Variants in FER observed in about 807,000 individuals in gnomAD.
FER encodes the protein FER tyrosine kinase.
FER carries 63 observed loss-of-function variants against 111.0 expected under a neutral mutation model. That is an observed-to-expected ratio of 0.57 (90% CI 0.46 to 0.70). The LOEUF is 0.70. Among genes scored for constraint, FER ranks in the 30% least tolerant of loss-of-function variants. The pLI is 0.00. For synonymous variants in FER, 327 were observed against 313.9 expected (o/e 1.04, Z -0.44); for missense variants, 914 against 954.0 (o/e 0.96, Z 0.55).
chr5:109,190,227 T>C lies in FER; in HGVS notation c.*2652T>C, dbSNP rs1759282819. ...ACTGTTCAGAATGTGCAAGTTGATGTAGGGAAAGGAAGATTCAGAAATGTA... is the reference window on the plus strand; with the variant it reads ...ACTGTTCAGAATGTGCAAGTTGATGCAGGGAAAGGAAGATTCAGAAATGTA... On this transcript the variant is annotated 3_prime_UTR_variant, in exon 20 of 20. Transcript: ENST00000281092. 1 of 152,144 alleles carries C rather than the reference T, an allele frequency of 6.6e-6. No individual in the cohort carries two copies. The highest frequency in any genetic ancestry group is 6.6e-5 in the Admixed American group (1 of 15,266). 9.4% of individuals were successfully genotyped at this position (152,144 alleles called of 1,614,324 possible).
At chr5:109,143,960 G>A (rs989519584) in intron 17 of FER, among the ~76,000 whole-genome samples, 4 of 151,846 alleles carry the variant, frequency 2.6e-5, no homozygotes, top group East Asian at 3.9e-4. Flanking sequence ...AGACTAGGAG[G>A]CATCTTGATT....
chr5:109,191,583 T>A lies in FER; in HGVS notation c.*4008T>A, dbSNP rs1030213665. The A allele has an allele frequency of 6.6e-6, 1 of 152,190 alleles. No individual in the cohort carries two copies. The highest frequency in any genetic ancestry group is 6.5e-5 in the Admixed American group (1 of 15,282). The allele number at this position is 152,190 out of a possible 1,614,324, so 9.4% of individuals were successfully genotyped here. A position where few individuals can be genotyped will look rare whatever the true frequency, so the allele number is the denominator to read the frequency against. ...GGAAAAGACATGTTTTCTTTAGGTA[T>A]TAATATCTTAATTAAATGGAATCAG... On this transcript the variant is annotated 3_prime_UTR_variant, in exon 20 of 20. Coordinates refer to ENST00000281092, the MANE Select transcript of FER (RefSeq NM_005246.4).
intron 17 of FER, among the ~76,000 whole-genome samples, chr5:109,134,926 T>G (rs1752731374): frequency 2.0e-5 from 3 of 152,200 alleles, no homozygotes; most frequent in Admixed American, 1.3e-4. Context: ...ACAGCAGATG[T>G]GTCTCCCATG....
chr5:109,090,846 T>C (rs780389585), intron 16 of FER, among the ~76,000 whole-genome samples: 4 of 152,168 alleles, frequency 2.6e-5, no homozygotes, highest in Admixed American at 6.5e-5. Flanking sequence ...AAGGGACTTA[T>C]GGGACACCAT....
At chr5:109,104,516 T>C (rs1412427929) in intron 17 of FER, among the ~76,000 whole-genome samples, 1 of 152,030 alleles carries the variant, frequency 6.6e-6, no homozygotes, top group Non-Finnish European at 1.5e-5. Context: ...ACCCTCTGAG[T>C]GAGACTTGGT....
chr5:109,065,130 A>G (rs1774925675), intron 16 of FER, among the ~76,000 whole-genome samples: 1 of 152,152 alleles, frequency 6.6e-6, no homozygotes, highest in African/African-American at 2.4e-5. Context: ...AACCTATCCA[A>G]TATATATGAA....
At chr5:109,109,725 G>A (rs550288688) in intron 17 of FER, among the ~76,000 whole-genome samples, 96 of 152,182 alleles carry the variant, frequency 6.3e-4, no homozygotes, top group African/African-American at 2.2e-3. Flanking sequence ...TTTAGCTGAA[G>A]ATACAGAAAT....
chr5:108,973,412 A>G (rs1055201422), intron 13 of FER, among the ~76,000 whole-genome samples: 5 of 152,164 alleles, frequency 3.3e-5, no homozygotes, highest in African/African-American at 1.2e-4. Context: ...CATTAAAAAG[A>G]TATCTGCAAG....
intron 5 of FER, among the ~76,000 whole-genome samples, chr5:108,840,129 G>A (rs1054124338): frequency 1.3e-5 from 2 of 152,068 alleles, no homozygotes; most frequent in Non-Finnish European, 2.9e-5. Context: ...TGTTTCAGGC[G>A]TCATATACTC....
intron 13 of FER, among the ~76,000 whole-genome samples, chr5:109,003,187 A>C (rs1446071132): frequency 1.3e-5 from 2 of 152,244 alleles, no homozygotes; most frequent in Non-Finnish European, 2.9e-5. Context: ...TTGAAGCACT[A>C]TTCACAATAG....
Position 108,832,921 on chromosome 5 carries a change from A to G in FER, c.359A>G (p.Gln120Arg). 1 of 1,589,756 alleles carries G rather than the reference A, an allele frequency of 6.3e-7. No homozygotes were observed. The highest frequency in any genetic ancestry group is 8.5e-7 in the Non-Finnish European group (1 of 1,170,014). ...AAAAGTTACATAGGTGTTCATCAGC[A>G]GATAGAGGCAGAGATGATCAAGGTT... ...VKKSYIGVHQQIEAEMIKVTK... is the reference protein window; with the variant it reads ...VKKSYIGVHQRIEAEMIKVTK... The change falls in exon 4 of 20, where the codon CAG becomes CGG. Residue 120 changes from glutamine (Q) to arginine (R), a missense_variant. By Grantham distance (43) the Gln-to-Arg change is conservative (BLOSUM62 1). Transcript: ENST00000281092.
chr5:109,002,362 AG>A (rs1289096462), intron 13 of FER, among the ~76,000 whole-genome samples: 85 of 151,664 alleles, frequency 5.6e-4, no homozygotes, highest in African/African-American at 1.8e-3. Flanking sequence ...GAGAAAAACA[AG>A]CAATGGGGAA....
At position 108,840,080 on chromosome 5, in the gene FER, ATT is replaced by A. The variant is rs372342098; in HGVS notation, c.481+4274_481+4275del. ...AATATGCATACTGGATTCAACAAGT[ATT>A]AACCTTCTGCCACATTGGCAGAATC... On this transcript the variant is annotated intron_variant, in intron 5 of 19. Coordinates refer to ENST00000281092, the MANE Select transcript of FER (RefSeq NM_005246.4). Among the ~76,000 whole-genome samples the A allele has an allele frequency of 9.8e-5, 15 of 152,344 alleles. No individual in the cohort carries two copies. The South Asian group carries it at 3.1e-3, about 32-fold the overall frequency.
At chr5:109,092,525 G>C (rs554670623) in intron 16 of FER, among the ~76,000 whole-genome samples, 1 of 152,048 alleles carries the variant, frequency 6.6e-6, no homozygotes, top group Non-Finnish European at 1.5e-5. Flanking sequence ...GTATAACTAA[G>C]TATCAGGACA....
At chr5:109,093,122 G>C (rs921253683) in intron 16 of FER, among the ~76,000 whole-genome samples, 5 of 152,176 alleles carry the variant, frequency 3.3e-5, no homozygotes, top group Non-Finnish European at 4.4e-5. Flanking sequence ...CAGTGTTGTT[G>C]TTCAATGAGT....
At chr5:108,928,604 T>C (rs930878193) in intron 10 of FER, among the ~76,000 whole-genome samples, 1 of 152,148 alleles carries the variant, frequency 6.6e-6, no homozygotes, top group Non-Finnish European at 1.5e-5. Flanking sequence ...TTTTAGGTAC[T>C]GCTTTGGATA....
chr5:109,117,432 T>C (rs1331764137), intron 17 of FER, among the ~76,000 whole-genome samples: 1 of 152,154 alleles, frequency 6.6e-6, no homozygotes, highest in Non-Finnish European at 1.5e-5. Flanking sequence ...TATCATTTTG[T>C]GATAAACTCA....
At position 108,853,218 on chromosome 5, in the gene FER, T is replaced by A. The variant is rs182111412; in HGVS notation, c.482-14549T>A. ...TTTTTAAAAATTGATTTGTTTAAAT[T>A]TCTTTTTTTCAAATAAGAACTATAT... On this transcript the variant is annotated intron_variant, in intron 5 of 19. Coordinates refer to ENST00000281092, the MANE Select transcript of FER (RefSeq NM_005246.4). 2.2e-4 allele frequency among the ~76,000 whole-genome samples: 33 copies of A among 152,274 alleles called. No individual in the cohort carries two copies. The East Asian group carries it at 6.2e-3, about 28-fold the overall frequency.
intron 2 of FER, among the ~76,000 whole-genome samples, chr5:108,796,317 C>G (rs909370980): frequency 2.6e-5 from 4 of 152,314 alleles, no homozygotes; most frequent in Admixed American, 2.6e-4. Context: ...TGCACTGGGT[C>G]AGACCTAAAG....
Sources: allele counts gnomAD v4.1 joint callset (sites outside exome capture counted in the v4.1 genomes callset), GRCh38; gene constraint gnomAD v4.1.1; transcripts MANE v1.5; gene names NCBI Gene and HGNC (gene_info 2026-07-23, HGNC 2026-07-21).